MYO9A: variants seen among roughly 807,000 people sequenced by gnomAD.
The protein encoded by MYO9A is unconventional myosin-IXa.
Under a neutral mutation model 293.3 loss-of-function variants are expected in MYO9A, and 103 were observed. That is an observed-to-expected ratio of 0.35 (90% CI 0.30 to 0.41). The LOEUF is 0.41. Among genes scored for constraint, MYO9A ranks in the 10% least tolerant of loss-of-function variants. The pLI is 1.00. For synonymous variants in MYO9A, 1,001 were observed against 1,035.7 expected, an observed-to-expected ratio of 0.97 and a Z score of 0.64; for missense variants, 2,685 against 3,033.0, an observed-to-expected ratio of 0.89 and a Z score of 2.69.
intron 3 of MYO9A, among the ~76,000 whole-genome samples, chr15:72,030,632 T>C (rs1318482036): frequency 6.6e-6 from 1 of 152,116 alleles, no homozygotes; most frequent in South Asian, 2.1e-4. Flanking sequence ...CAAGTGATTC[T>C]TCCACCTCAG....
intron 1 of MYO9A, among the ~76,000 whole-genome samples, chr15:72,089,157 GGTTTTTGTTTTT>G (rs531887790): frequency 6.6e-6 from 1 of 151,998 alleles, no homozygotes; most frequent in Non-Finnish European, 1.5e-5. Flanking sequence ...GAAAAATAAT[GGTTTTTGTTTTT>G]GTTTTTGTTT....
At chr15:71,943,517 A>G (rs2058832211) in intron 15 of MYO9A, among the ~76,000 whole-genome samples, 1 of 152,124 alleles carries the variant, frequency 6.6e-6, no homozygotes, top group African/African-American at 2.4e-5. Context: ...GCTTCATAAC[A>G]TGTAATTAAA....
intron 40 of MYO9A, among the ~76,000 whole-genome samples, chr15:71,828,485 T>A (rs972432325): frequency 1.3e-5 from 2 of 152,206 alleles, no homozygotes; most frequent in African/African-American, 4.8e-5. Context: ...GCTTACTAAC[T>A]GGCTATAGAC....
intron 1 of MYO9A, among the ~76,000 whole-genome samples, chr15:72,101,212 C>A (rs1350445259): frequency 4.6e-5 from 6 of 131,744 alleles, no homozygotes; most frequent in African/African-American, 1.7e-4. Context: ...AGCCCCTCTG[C>A]CCGGCCAGCC....
chr15:71,956,317 A>AT (rs1342068850), intron 14 of MYO9A, among the ~76,000 whole-genome samples: 1 of 47,172 alleles, frequency 2.1e-5, no homozygotes, highest in African/African-American at 6.3e-5. Flanking sequence ...TCTTAAAAAA[A>AT]AAAAAAAAAA....
chr15:72,005,202 A>G (rs1020433783), intron 8 of MYO9A, among the ~76,000 whole-genome samples: 2 of 152,212 alleles, frequency 1.3e-5, no homozygotes, highest in Admixed American at 6.5e-5. Flanking sequence ...GAAGAAATTT[A>G]AGAAGCCAGG....
At chr15:72,032,295 T>G (rs922676904) in intron 3 of MYO9A, among the ~76,000 whole-genome samples, 199 bp downstream of exon 3, 3 of 152,184 alleles carry the variant, frequency 2.0e-5, no homozygotes, top group African/African-American at 7.2e-5. Context: ...AAATCTAGGT[T>G]AAGAGTATGT....
intron 1 of MYO9A, among the ~76,000 whole-genome samples, chr15:72,099,043 T>C (rs979106832): frequency 6.6e-6 from 1 of 151,880 alleles, no homozygotes; most frequent in African/African-American, 2.4e-5. Flanking sequence ...CACCTGTAAT[T>C]CCAATACTGG....
chr15:72,104,576 G>A (rs115105949), intron 1 of MYO9A, among the ~76,000 whole-genome samples: 1 of 152,126 alleles, frequency 6.6e-6, no homozygotes. Context: ...CAAATATTTT[G>A]ATCAATAAAT....
At chr15:71,857,749 T>G (rs986338185) in intron 34 of MYO9A, among the ~76,000 whole-genome samples, 1 of 151,790 alleles carries the variant, frequency 6.6e-6, no homozygotes, top group Non-Finnish European at 1.5e-5. Context: ...TAAAGGTACA[T>G]GGAAAAATAA....
Position 71,935,428 on chromosome 15 carries a change from G to A in MYO9A, c.2435C>T (p.Ser812Leu). Residue 812 changes from serine (S) to leucine (L), a missense_variant, in exon 17 of 42, where the codon TCA (serine) becomes TTA (leucine). This residue lies in a region of MYO9A where 1,434 missense variants were observed against 1,497.7 expected (regional missense o/e 0.96). Transcript: ENST00000356056. Reference sequence around the variant, plus strand: ...TTTATCAAGCAAGGAGGTGCCACTTGATAGTCTGCTCTGGCGAATCCCAGT... The same window carrying A: ...TTTATCAAGCAAGGAGGTGCCACTTAATAGTCTGCTCTGGCGAATCCCAGT... Reference protein sequence around the residue: ...GRTGIRQSRLSSGTSLLDKDG... With the variant: ...GRTGIRQSRLLSGTSLLDKDG... 6.2e-7 allele frequency: 1 copy of A among 1,613,682 alleles called. No homozygotes were observed. The highest frequency in any genetic ancestry group is 8.5e-7 in the Non-Finnish European group (1 of 1,179,700).
chr15:71,949,434 T>C (rs1187545451), intron 15 of MYO9A, among the ~76,000 whole-genome samples: 1 of 151,732 alleles, frequency 6.6e-6, no homozygotes, highest in East Asian at 1.9e-4. Context: ...TTTTTTTTTT[T>C]TAACCAAATA....
chr15:71,952,686 G>A (rs2059079270), intron 14 of MYO9A, among the ~76,000 whole-genome samples: 1 of 152,158 alleles, frequency 6.6e-6, no homozygotes, highest in African/African-American at 2.4e-5. Context: ...ATCACCTCTA[G>A]AGTTAGGGCA....
intron 40 of MYO9A, 123 bp downstream of exon 40, chr15:71,829,986 T>G (rs1482087506): frequency 3.9e-6 from 4 of 1,021,714 alleles, no homozygotes; most frequent in Non-Finnish European, 5.9e-6. Context: ...CAACATCTCC[T>G]GTATCATCTG....
chr15:71,858,393 G>C (rs1279690362), intron 34 of MYO9A, among the ~76,000 whole-genome samples: 1 of 152,128 alleles, frequency 6.6e-6, no homozygotes. Flanking sequence ...TTAAGAAAAT[G>C]TGGCACATAT....
chr15:72,029,055 A>G (rs1265416972), intron 3 of MYO9A, among the ~76,000 whole-genome samples: 1 of 152,160 alleles, frequency 6.6e-6, no homozygotes, highest in Admixed American at 6.5e-5. Flanking sequence ...TCAATCCAAG[A>G]AGGAAAAAGG....
chr15:71,868,715 G>A (rs2056414747), intron 32 of MYO9A, among the ~76,000 whole-genome samples: 1 of 152,102 alleles, frequency 6.6e-6, no homozygotes, highest in Non-Finnish European at 1.5e-5. Flanking sequence ...CATTTTATGT[G>A]AGAAAGGATA....
chr15:72,051,740 T>G (rs1029326817), intron 1 of MYO9A, among the ~76,000 whole-genome samples: 2 of 152,124 alleles, frequency 1.3e-5, no homozygotes, highest in African/African-American at 4.8e-5. Context: ...CTCTAAACTT[T>G]GGGTGCCTAC....
intron 31 of MYO9A, among the ~76,000 whole-genome samples, chr15:71,876,564 T>C (rs1188317796): frequency 6.7e-6 from 1 of 150,168 alleles, no homozygotes; most frequent in East Asian, 2.0e-4. Context: ...GCCTCCCAAG[T>C]AGCTGGGACT....
Sources: gnomAD v4.1 joint callset for allele counts (sites outside exome capture counted in the v4.1 genomes callset) on GRCh38, gnomAD v4.1.1 for gene constraint, gnomAD v4.1.1 regional missense constraint, MANE v1.5 for transcripts, NCBI Gene and HGNC (gene_info 2026-07-23, HGNC 2026-07-21) for gene names.